The following DLG2 variants were observed in gnomAD, a reference collection of about 807,000 sequenced individuals.
DLG2 encodes disks large homolog 2.
Under a neutral mutation model 132.5 loss-of-function variants are expected in DLG2, and 45 were observed. The observed-to-expected ratio is 0.34, with a 90% confidence interval of 0.27 to 0.44. The LOEUF (loss-of-function observed/expected upper bound fraction) is 0.44. Ranked by LOEUF, DLG2 falls within the 20% of genes least tolerant of loss-of-function variation. The pLI is 1.00. For synonymous variants in DLG2, 424 were observed against 419.6 expected, an observed-to-expected ratio of 1.01 and a Z score of -0.13; for missense variants, 1,045 against 1,196.9, an observed-to-expected ratio of 0.87 and a Z score of 1.87.
intron 10 of DLG2, among the ~76,000 whole-genome samples, chr11:84,093,716 G>A (rs2097128740): frequency 6.6e-6 from 1 of 152,172 alleles, no homozygotes; most frequent in South Asian, 2.1e-4. Context: ...CCTGGTTCAA[G>A]CCATTCTCCT....
chr11:83,719,849 A>G (rs574702405), intron 18 of DLG2, among the ~76,000 whole-genome samples: 1 of 152,324 alleles, frequency 6.6e-6, no homozygotes, highest in Admixed American at 6.5e-5. Context: ...CATCAATGAC[A>G]GTCAATAAGG....
intron 6 of DLG2, among the ~76,000 whole-genome samples, chr11:84,933,142 C>T (rs556251354): frequency 1.3e-5 from 2 of 152,258 alleles, no homozygotes; most frequent in Admixed American, 1.3e-4. Flanking sequence ...TGTTTGTTGG[C>T]CACATAAATG....
intron 18 of DLG2, among the ~76,000 whole-genome samples, chr11:83,658,218 T>C (rs2073248256): frequency 6.6e-6 from 1 of 152,246 alleles, no homozygotes; most frequent in African/African-American, 2.4e-5. Flanking sequence ...TTTCTATATC[T>C]AATGGGCTTT....
chr11:85,114,826 T>A (rs1435902993), intron 5 of DLG2, among the ~76,000 whole-genome samples: 1 of 151,622 alleles, frequency 6.6e-6, no homozygotes, highest in Non-Finnish European at 1.5e-5. Context: ...TCCAAAAACA[T>A]GGGAATATTT....
chr11:85,555,258 T>C (rs1028110401), intron 3 of DLG2, among the ~76,000 whole-genome samples: 18 of 151,880 alleles, frequency 1.2e-4, no homozygotes, highest in Non-Finnish European at 1.5e-4. Context: ...AGTCATAAAA[T>C]TGACCTCCAG....
chr11:85,352,077 C>T (rs1454636745), intron 3 of DLG2, among the ~76,000 whole-genome samples: 2 of 152,144 alleles, frequency 1.3e-5, no homozygotes, highest in African/African-American at 4.8e-5. Flanking sequence ...ATTATTGCCT[C>T]AATTTCAGAG....
intron 6 of DLG2, among the ~76,000 whole-genome samples, chr11:84,631,161 T>TACATTGCA (rs1213101286): frequency 2.0e-5 from 3 of 151,356 alleles, no homozygotes. Flanking sequence ...TGGCAGGGAG[T>TACATTGCA]ACATTGCAAA....
intron 7 of DLG2, among the ~76,000 whole-genome samples, chr11:84,394,984 G>A (rs2098806368): frequency 6.6e-6 from 1 of 152,018 alleles, no homozygotes; most frequent in Non-Finnish European, 1.5e-5. Flanking sequence ...ATGCCTGTTG[G>A]ATACTCACCA....
rs564878989 is a variant in DLG2 at position 83,484,010 on chromosome 11, C to CCTGCCTG, written c.2293+112_2293+118dup. The stretch of plus-strand genomic sequence containing the variant: ...TGGTCACAGTAGTAGACCTGCCCTG[C>CCTGCCTG]CTGCCTGCTGTGTTGTTTGCCTAGG... On this transcript the variant is annotated intron_variant, in intron 22 of 27. Transcript: ENST00000376104. The CCTGCCTG allele has an allele frequency of 1.1e-3, 889 of 780,048 alleles. 1 individual carries two copies. The highest frequency in any genetic ancestry group is 3.0e-3 in the Middle Eastern group (13 of 4,322). The allele number at this position is 780,048 out of a possible 1,614,324, so 48.3% of individuals were successfully genotyped here.
At position 85,593,872 on chromosome 11, in the gene DLG2, A is replaced by C. The variant is rs2079544226; in HGVS notation, c.40+4785T>G. 2.6e-5 allele frequency among the ~76,000 whole-genome samples: 4 copies of C among 152,276 alleles called. No individual in the cohort carries two copies. In the South Asian group the frequency reaches 6.2e-4, roughly 24 times the overall value. On this transcript the variant is annotated intron_variant, in intron 3 of 27. Coordinates refer to ENST00000376104, the MANE Select transcript of DLG2 (RefSeq NM_001142699.3). ...ACCTTACCATCATTATAATTGAATA[A>C]TAATTAATTGTGTGTTTAATGTCTC...
intron 6 of DLG2, among the ~76,000 whole-genome samples, chr11:84,722,586 A>C (rs1486458402): frequency 6.6e-6 from 1 of 152,222 alleles, no homozygotes; most frequent in Non-Finnish European, 1.5e-5. Flanking sequence ...TATGAAGCCC[A>C]ACCCTACATT....
intron 7 of DLG2, among the ~76,000 whole-genome samples, chr11:84,456,767 C>T (rs764016188): frequency 1.9e-4 from 28 of 151,140 alleles, no homozygotes; most frequent in Admixed American, 5.3e-4. Context: ...TCTTCTCTTC[C>T]CATCCTCACT....
At chr11:84,929,535 T>G (rs2047851843) in intron 6 of DLG2, among the ~76,000 whole-genome samples, 1 of 152,082 alleles carries the variant, frequency 6.6e-6, no homozygotes, top group South Asian at 2.1e-4. Flanking sequence ...GCAGGTATAT[T>G]GAATTGGCTA....
intron 4 of DLG2, among the ~76,000 whole-genome samples, chr11:85,156,380 T>A (rs1013058784): frequency 1.3e-5 from 2 of 152,134 alleles, no homozygotes; most frequent in East Asian, 3.9e-4. Flanking sequence ...GTTTGATGAA[T>A]GAAAAATAAA....
intron 6 of DLG2, among the ~76,000 whole-genome samples, chr11:84,764,453 G>A (rs1194562170): frequency 1.3e-5 from 2 of 152,010 alleles, no homozygotes; most frequent in South Asian, 4.1e-4. Flanking sequence ...CATTTACATA[G>A]TGCTCATTTT....
chr11:85,032,622 C>T (rs962581913), intron 6 of DLG2, among the ~76,000 whole-genome samples: 4 of 152,122 alleles, frequency 2.6e-5, no homozygotes, highest in Admixed American at 1.3e-4. Flanking sequence ...TTCTAATACT[C>T]ATTTCGTCAG....
At chr11:84,115,919 T>G (rs1177884901) in intron 9 of DLG2, among the ~76,000 whole-genome samples, 4 of 152,230 alleles carry the variant, frequency 2.6e-5, no homozygotes, top group Admixed American at 6.5e-5. Context: ...TATTCTCGTT[T>G]CTAGAACAGC....
At chr11:84,548,948 A>G (rs889627832) in intron 6 of DLG2, among the ~76,000 whole-genome samples, 2 of 152,190 alleles carry the variant, frequency 1.3e-5, no homozygotes, top group Non-Finnish European at 2.9e-5. Context: ...GGAGCTACAT[A>G]TATTTCTTTG....
intron 5 of DLG2, among the ~76,000 whole-genome samples, chr11:85,131,916 T>C (rs1467292177): frequency 1.3e-5 from 2 of 152,164 alleles, no homozygotes; most frequent in Admixed American, 1.3e-4. Context: ...CAAAAAGATA[T>C]GGTTCAAATT....
Sources: gnomAD v4.1 joint callset for allele counts (sites outside exome capture counted in the v4.1 genomes callset) on GRCh38, gnomAD v4.1.1 for gene constraint, MANE v1.5 for transcripts, NCBI Gene and HGNC (gene_info 2026-07-23, HGNC 2026-07-21) for gene names.